EPHA7: variants seen among roughly 807,000 people sequenced by gnomAD.
The protein encoded by EPHA7 is ephrin type-A receptor 7.
EPHA7 carries 25 observed loss-of-function variants against 112.6 expected under a neutral mutation model. The observed-to-expected ratio is 0.22, with a 90% CI of 0.16 to 0.31. EPHA7 has a LOEUF of 0.31. Ranked by LOEUF, EPHA7 falls within the 10% of genes least tolerant of loss-of-function variation. EPHA7 has a pLI of 1.00. For synonymous variants in EPHA7, 437 were observed against 406.5 expected, an observed-to-expected ratio of 1.07 and a Z score of -0.90; for missense variants, 962 against 1,212.6, an observed-to-expected ratio of 0.79 and a Z score of 3.07.
In EPHA7 at chr6:93,242,971, T is replaced by TA. The variant is rs1214003780; in HGVS notation, c.*454dup. The TA allele has an allele frequency of 2.3e-5, 5 of 219,392 alleles. No individual in the cohort carries two copies. The South Asian group carries it at 5.5e-4, about 24-fold the overall frequency. 13.6% of individuals were successfully genotyped at this position (219,392 alleles called of 1,614,324 possible). ...AGGTCCAAAGCTATAAACAGCTTTC[T>TA]AAAACAAAGTCCTTATGAAGAATAA... On this transcript the variant is annotated 3_prime_UTR_variant, in exon 17 of 17. Transcript: ENST00000369303.
chr6:93,363,522 A>G (rs879810857), intron 3 of EPHA7, among the ~76,000 whole-genome samples: 39 of 152,208 alleles, frequency 2.6e-4, no homozygotes, highest in Non-Finnish European at 5.4e-4. Context: ...ATGCAGATCA[A>G]AACCACACAT....
At chr6:93,267,110 T>C (rs1027228000) in intron 7 of EPHA7, among the ~76,000 whole-genome samples, 1 of 151,800 alleles carries the variant, frequency 6.6e-6, no homozygotes, top group Non-Finnish European at 1.5e-5. Context: ...TGTTCTTGTG[T>C]TTTTAAAGTT....
At chr6:93,405,044 T>C (rs953220597) in intron 3 of EPHA7, among the ~76,000 whole-genome samples, 1 of 151,890 alleles carries the variant, frequency 6.6e-6, no homozygotes, top group Non-Finnish European at 1.5e-5. Flanking sequence ...CTTAAAATTA[T>C]AGTGTACAAA....
intron 3 of EPHA7, among the ~76,000 whole-genome samples, chr6:93,358,875 A>C (rs1440292998): frequency 6.6e-6 from 1 of 152,190 alleles, no homozygotes; most frequent in Non-Finnish European, 1.5e-5. Flanking sequence ...ATGTAACTTT[A>C]ATTACCAGAC....
At position 93,245,354 on chromosome 6, in the gene EPHA7, A is replaced by G; in HGVS notation, c.2826T>C (p.Asp942=). The G allele has an allele frequency of 1.2e-6, 2 of 1,613,718 alleles. No homozygotes were observed. Among genetic ancestry groups the G allele is most frequent in the South Asian group, 2.2e-5 (2 of 91,072 alleles). The change falls in exon 16 of 17, where the codon GAT becomes GAC. Residue 942 remains aspartate (D), a synonymous_variant. Coordinates refer to ENST00000369303, the MANE Select transcript of EPHA7 (RefSeq NM_004440.4). ...AATTGTAGCCAGCTGCCGTGAAATT[A>G]TCTTTATATCTTTCCATCTTAATAG... ...LQAIKMERYK[D]NFTAAGYNSL... is the part of the protein sequence containing the mutation.
chr6:93,414,670 A>C, intron 2 of EPHA7, 33 bp downstream of exon 2: 1 of 1,544,842 alleles, frequency 6.5e-7, no homozygotes, highest in Non-Finnish European at 8.9e-7. Flanking sequence ...TCTTATTTTA[A>C]AAAAGTGATA....
chr6:93,282,622 C>A (rs1771804989), intron 5 of EPHA7, among the ~76,000 whole-genome samples: 1 of 152,144 alleles, frequency 6.6e-6, no homozygotes, highest in African/African-American at 2.4e-5. Flanking sequence ...GGAGCCGGCT[C>A]CTTCAGCTTG....
chr6:93,275,709 G>A (rs1344810855), intron 5 of EPHA7, among the ~76,000 whole-genome samples: 2 of 151,922 alleles, frequency 1.3e-5, no homozygotes, highest in Non-Finnish European at 2.9e-5. Flanking sequence ...TAAAGCAAAA[G>A]TCTAATGACA....
At chr6:93,260,761 T>G in intron 9 of EPHA7, 5 of 981,390 alleles carry the variant, frequency 5.1e-6, no homozygotes, top group Non-Finnish European at 6.0e-6. Flanking sequence ...AACTGACAGA[T>G]GCTCATTTGT....
intron 3 of EPHA7, among the ~76,000 whole-genome samples, chr6:93,403,861 A>C (rs1223339491): frequency 6.6e-6 from 1 of 152,114 alleles, no homozygotes; most frequent in Admixed American, 6.6e-5. Flanking sequence ...TTGAAAAAGA[A>C]GCTAGGGAAG....
chr6:93,370,542 T>C (rs1776737044), intron 3 of EPHA7, among the ~76,000 whole-genome samples: 2 of 152,182 alleles, frequency 1.3e-5, no homozygotes, highest in Admixed American at 6.5e-5. Flanking sequence ...TGGCTCTCTT[T>C]TAAATATTTA....
At position 93,301,395 on chromosome 6, in the gene EPHA7, A is replaced by G. The variant is rs141316824; in HGVS notation, c.1325-28973T>C. On this transcript the variant is annotated intron_variant, in intron 5 of 16. Coordinates refer to ENST00000369303, the MANE Select transcript of EPHA7 (RefSeq NM_004440.4). ...AGTTCTCTTCTAGCTAATTTGAAAT[A>G]TACAAGAAATTTAAAATATATTTTC... Among the ~76,000 whole-genome samples, 680 of 152,308 alleles carry G rather than the reference A, an allele frequency of 4.5e-3. 2 individuals carry two copies. Among genetic ancestry groups the G allele is most frequent in the African/African-American group, 0.015 (618 of 41,572 alleles).
intron 9 of EPHA7, among the ~76,000 whole-genome samples, chr6:93,263,463 C>A (rs1214176365): frequency 6.6e-6 from 1 of 151,098 alleles, no homozygotes; most frequent in African/African-American, 2.4e-5. Context: ...TTAATTTAGC[C>A]TTTTGTGGTA....
intron 3 of EPHA7, among the ~76,000 whole-genome samples, chr6:93,388,647 A>G (rs1777751339): frequency 6.6e-6 from 1 of 152,078 alleles, no homozygotes; most frequent in Non-Finnish European, 1.5e-5. Context: ...GCTTGTTCAG[A>G]AGGAAATGGG....
intron 3 of EPHA7, among the ~76,000 whole-genome samples, chr6:93,401,644 T>C (rs1474468140): frequency 2.0e-5 from 3 of 152,094 alleles, no homozygotes; most frequent in African/African-American, 7.2e-5. Context: ...ACTTTTCACA[T>C]ATTAAACTTA....
chr6:93,244,042 A>G (rs1053262018), intron 16 of EPHA7, among the ~76,000 whole-genome samples: 5 of 152,142 alleles, frequency 3.3e-5, no homozygotes, highest in Non-Finnish European at 7.4e-5. Flanking sequence ...TTGGTTATCT[A>G]CTTATTTCAG....
chr6:93,252,645 T>C (rs1770266550), intron 14 of EPHA7, among the ~76,000 whole-genome samples: 1 of 151,924 alleles, frequency 6.6e-6, no homozygotes. Flanking sequence ...CATATAATTG[T>C]TCAAATAGCA....
At chr6:93,257,424 T>C (rs2127858233) in intron 12 of EPHA7, 38 bp downstream of exon 12, 2 of 1,468,798 alleles carry the variant, frequency 1.4e-6, no homozygotes, top group Non-Finnish European at 1.9e-6. Flanking sequence ...GTAGCAAGCA[T>C]AGTATATTTA....
At chr6:93,317,022 C>T (rs974058685) in intron 5 of EPHA7, among the ~76,000 whole-genome samples, 2 of 152,168 alleles carry the variant, frequency 1.3e-5, no homozygotes, top group African/African-American at 4.8e-5. Flanking sequence ...AGGGTCATTT[C>T]TCCCTGGCTG....
Sources: allele counts gnomAD v4.1 joint callset (sites outside exome capture counted in the v4.1 genomes callset), GRCh38; gene constraint gnomAD v4.1.1; transcripts MANE v1.5; gene names NCBI Gene and HGNC (gene_info 2026-07-23, HGNC 2026-07-21).